The following PITPNM2 variants were observed in gnomAD, a reference collection of about 807,000 sequenced individuals.
The protein encoded by PITPNM2 is phosphatidylinositol transfer protein membrane associated 2.
PITPNM2 carries 35 observed loss-of-function variants against 132.2 expected under a neutral mutation model. The observed-to-expected ratio is 0.26, with a 90% confidence interval of 0.20 to 0.35. The LOEUF is 0.35. PITPNM2 is among the 10% of genes least tolerant of loss of function. The probability of loss-of-function intolerance (pLI) is 1.00; values close to 1 mark genes in which losing one functional copy is unlikely to be tolerated. For missense variants in PITPNM2, 1,332 were observed against 1,912.0 expected (o/e 0.70, Z 5.66); for synonymous variants, 738 against 799.2 (o/e 0.92, Z 1.29).
rs2042833019 is a variant in PITPNM2 at position 123,111,532 on chromosome 12, G to C, written c.-199-1044C>G. Reference sequence around the variant, plus strand: ...CAACTGCCAAGTGAACGGCCAGACAGAGGAGGGAGAGTGGAATTGGGGAGG... The same window carrying C: ...CAACTGCCAAGTGAACGGCCAGACACAGGAGGGAGAGTGGAATTGGGGAGG... On this transcript the variant is annotated intron_variant, in intron 1 of 25. Transcript: ENST00000320201. The surrounding 1 kb of genome is among the most constrained non-coding windows in gnomAD (Gnocchi z 4.1). Among the ~76,000 whole-genome samples, 1 of 152,266 alleles carries C rather than the reference G, an allele frequency of 6.6e-6. No individual in the cohort carries two copies. The highest frequency in any genetic ancestry group is 1.5e-5 in the Non-Finnish European group (1 of 68,042).
intron 1 of PITPNM2, among the ~76,000 whole-genome samples, chr12:123,121,479 C>T (rs948589909): frequency 2.0e-5 from 3 of 152,124 alleles, no homozygotes; most frequent in African/African-American, 7.2e-5. Flanking sequence ...TGAATTATAC[C>T]TTTTTTTGTG....
In PITPNM2 at chr12:122,992,084, A is replaced by T. The variant is rs937576269; in HGVS notation, c.2404+415T>A. ...TCCCCTGCCCCAACGCATCTCCTGC[A>T]CCCTATCTCGGGGCCAGCCGCCTGC... On this transcript the variant is annotated intron_variant, in intron 16 of 25. Transcript: ENST00000320201. This position sits in a 1 kb window ranked among gnomAD's most constrained non-coding sequence, Gnocchi z 6.5. Among the ~76,000 whole-genome samples, 16 of 149,482 alleles carry T rather than the reference A, an allele frequency of 1.1e-4. No individual in the cohort carries two copies. The highest frequency in any genetic ancestry group is 3.9e-4 in the African/African-American group (16 of 40,544).
At chr12:123,018,932 T>TA (rs1235490988) in intron 3 of PITPNM2, among the ~76,000 whole-genome samples, 7 of 151,888 alleles carry the variant, frequency 4.6e-5, no homozygotes, top group African/African-American at 1.7e-4. Flanking sequence ...TACAGGCGTG[T>TA]GCCACCAAGC....
At chr12:123,100,843 T>C (rs2137225804) in intron 2 of PITPNM2, among the ~76,000 whole-genome samples, 1 of 152,312 alleles carries the variant, frequency 6.6e-6, no homozygotes, top group African/African-American at 2.4e-5. Context: ...AGGAACAGTA[T>C]CTAACGCCAC....
Position 122,992,712 on chromosome 12 carries a change from A to T in PITPNM2, c.2234-43T>A. The T allele has an allele frequency of 1.3e-5, 18 of 1,394,592 alleles. No homozygotes were observed. The highest frequency in any genetic ancestry group is 3.0e-5 in the African/African-American group (2 of 67,724). 86.4% of individuals were successfully genotyped at this position (1,394,592 alleles called of 1,614,324 possible). On this transcript the variant is annotated intron_variant, in intron 15 of 25. Coordinates refer to ENST00000320201, the MANE Select transcript of PITPNM2 (RefSeq NM_020845.3). This position sits in a 1 kb window ranked among gnomAD's most constrained non-coding sequence, Gnocchi z 6.5. Reference sequence around the variant, plus strand: ...GGCTGCAGAGCTGGGGCTGGCCCTGAGGAGCAGTGGTGGGGGTGGGAAATT... The same window carrying T: ...GGCTGCAGAGCTGGGGCTGGCCCTGTGGAGCAGTGGTGGGGGTGGGAAATT...
chr12:123,025,249 T>G (rs1347294271), intron 3 of PITPNM2, among the ~76,000 whole-genome samples: 1 of 152,166 alleles, frequency 6.6e-6, no homozygotes, highest in Non-Finnish European at 1.5e-5. Context: ...CAGATGCACA[T>G]GCATACACAG....
At chr12:123,112,774 G>A (rs1055453825) in intron 1 of PITPNM2, among the ~76,000 whole-genome samples, 1 of 151,976 alleles carries the variant, frequency 6.6e-6, no homozygotes, top group African/African-American at 2.4e-5. Context: ...TCCTGACCTC[G>A]TGATCCGCCC....
chr12:123,096,636 C>A lies in PITPNM2; in HGVS notation c.-96+13749G>T, dbSNP rs1056407658. On this transcript the variant is annotated intron_variant, in intron 2 of 25. Transcript: ENST00000320201. ...ACAGGGAAGGAGACAGCCACAGGCC[C>A]GGGGGCATCTGGAATCCCTCCCCCT... is the stretch of plus-strand genomic sequence containing the variant. 3.3e-5 allele frequency among the ~76,000 whole-genome samples: 5 copies of A among 152,096 alleles called. No individual in the cohort carries two copies. In the South Asian group the frequency reaches 1.0e-3, roughly 32 times the overall value.
At chr12:123,030,806 C>T (rs1342470373) in intron 3 of PITPNM2, among the ~76,000 whole-genome samples, 1 of 152,120 alleles carries the variant, frequency 6.6e-6, no homozygotes, top group Non-Finnish European at 1.5e-5. Flanking sequence ...TATGATTCAG[C>T]CATAAAACGT....
chr12:123,095,570 CA>C lies in PITPNM2; in HGVS notation c.-96+14814del, dbSNP rs2042386257. Among the ~76,000 whole-genome samples, 1 of 152,182 alleles carries C rather than the reference CA, an allele frequency of 6.6e-6. No homozygotes were observed. The highest frequency in any genetic ancestry group is 1.5e-5 in the Non-Finnish European group (1 of 68,018). ...GAGACGAAGTGTCTTCCAATACACA[CA>C]TCGGAGTGTGTCACTTCTCTGAGTA... On this transcript the variant is annotated intron_variant, in intron 2 of 25. Coordinates refer to ENST00000320201, the MANE Select transcript of PITPNM2 (RefSeq NM_020845.3). This position sits in a 1 kb window ranked among gnomAD's most constrained non-coding sequence, Gnocchi z 5.0.
In PITPNM2 at chr12:122,990,544, C is replaced by T; in HGVS notation, c.2569+1G>A. On this transcript the variant is annotated splice_donor_variant, in intron 17 of 25. Coordinates refer to ENST00000320201, the MANE Select transcript of PITPNM2 (RefSeq NM_020845.3). LOFTEE classifies it high-confidence loss of function. ...GAGGGTGAGGGGCCTGGTATACTCA[C>T]TCTGGGCGATGCTGGATGCCGTGTA... The T allele has an allele frequency of 6.2e-7, 1 of 1,612,822 alleles. No individual in the cohort carries two copies. The highest frequency in any genetic ancestry group is 8.5e-7 in the Non-Finnish European group (1 of 1,179,902).
At chr12:123,018,947 C>T (rs1409998382) in intron 3 of PITPNM2, among the ~76,000 whole-genome samples, 1 of 151,864 alleles carries the variant, frequency 6.6e-6, no homozygotes, top group Admixed American at 6.6e-5. Flanking sequence ...CCAAGCTTGG[C>T]TAATTTTTAT....
intron 1 of PITPNM2, among the ~76,000 whole-genome samples, chr12:123,137,639 T>A (rs1371788461): frequency 6.6e-6 from 1 of 152,020 alleles, no homozygotes; most frequent in Non-Finnish European, 1.5e-5. Context: ...ACACCTATCA[T>A]CCCAGCACTT....
chr12:123,074,104 G>A (rs907694860), intron 2 of PITPNM2, among the ~76,000 whole-genome samples: 3 of 152,224 alleles, frequency 2.0e-5, no homozygotes, highest in Non-Finnish European at 4.4e-5. Flanking sequence ...AGGAGTGAAA[G>A]AGCCAAGGAT....
At chr12:123,003,129 A>C (rs1448866893) in intron 8 of PITPNM2, among the ~76,000 whole-genome samples, 1 of 152,114 alleles carries the variant, frequency 6.6e-6, no homozygotes, top group African/African-American at 2.4e-5. Flanking sequence ...ATCCTCTAAC[A>C]GGCCTCTCCC....
chr12:123,006,974 A>G (rs1187946597), intron 6 of PITPNM2, among the ~76,000 whole-genome samples: 1 of 152,206 alleles, frequency 6.6e-6, no homozygotes. Flanking sequence ...AACATTAAAA[A>G]GCAATGAGAC....
intron 1 of PITPNM2, among the ~76,000 whole-genome samples, chr12:123,125,863 G>GTT (rs1566303194): frequency 1.3e-5 from 1 of 79,588 alleles, no homozygotes; most frequent in Non-Finnish European, 2.6e-5. Flanking sequence ...AAAAAATTAG[G>GTT]GTTTTTTTTT....
At chr12:123,089,060 C>T (rs1006472863) in intron 2 of PITPNM2, 1 of 152,186 alleles carries the variant, frequency 6.6e-6, no homozygotes, top group Non-Finnish European at 1.5e-5. Flanking sequence ...TTTGTATCCC[C>T]AGTGCCTGAC....
chr12:123,105,059 C>T (rs1443604435), intron 2 of PITPNM2, among the ~76,000 whole-genome samples: 3 of 152,098 alleles, frequency 2.0e-5, no homozygotes, highest in Admixed American at 2.0e-4. Flanking sequence ...CTCATTCACT[C>T]ACTCCAGTTT....
Sources: allele counts gnomAD v4.1 joint callset (sites outside exome capture counted in the v4.1 genomes callset), GRCh38; gene constraint gnomAD v4.1.1; non-coding constraint Gnocchi (gnomAD v3.1); transcripts MANE v1.5; gene names NCBI Gene and HGNC (gene_info 2026-07-23, HGNC 2026-07-21).